RSBN1L: variants seen among roughly 807,000 people sequenced by gnomAD.
RSBN1L encodes the protein round spermatid basic protein 1 like, also known as lysine-specific demethylase RSBN1L.
In RSBN1L, 30 loss-of-function variants were observed where a neutral mutation model predicts 67.7. That is an observed-to-expected ratio of 0.44 (90% CI 0.33 to 0.60). The LOEUF is 0.60. Among genes scored for constraint, RSBN1L ranks in the 20% least tolerant of loss-of-function variants. RSBN1L has a pLI of 0.02. For synonymous variants in RSBN1L, 433 were observed against 387.0 expected (o/e 1.12, Z -1.39); for missense variants, 992 against 1,031.7 (o/e 0.96, Z 0.53).
intron 6 of RSBN1L, among the ~76,000 whole-genome samples, chr7:77,777,920 A>G (rs1028503002): frequency 1.3e-5 from 2 of 152,120 alleles, no homozygotes; most frequent in South Asian, 4.1e-4. Flanking sequence ...CAGTATAGTT[A>G]TATGTATCTT....
chr7:77,751,764 G>T (rs1480774524), intron 3 of RSBN1L, among the ~76,000 whole-genome samples: 2 of 152,202 alleles, frequency 1.3e-5, no homozygotes, highest in Non-Finnish European at 2.9e-5. Context: ...AACAGATCCA[G>T]TGAGAGAAGA....
intron 2 of RSBN1L, among the ~76,000 whole-genome samples, chr7:77,740,514 C>T (rs1375013289): frequency 6.6e-6 from 1 of 152,014 alleles, no homozygotes; most frequent in Non-Finnish European, 1.5e-5. Context: ...AAAGCAGATT[C>T]GAATCCCAGA....
chr7:77,724,432 C>CTT (rs557313211), intron 1 of RSBN1L, among the ~76,000 whole-genome samples: 79 of 136,412 alleles, frequency 5.8e-4, no homozygotes, highest in African/African-American at 1.8e-3. Flanking sequence ...TTTCTTTTTT[C>CTT]TTTTTTTTTT....
intron 1 of RSBN1L, among the ~76,000 whole-genome samples, chr7:77,721,847 G>A (rs901246002): frequency 6.6e-6 from 1 of 152,194 alleles, no homozygotes; most frequent in African/African-American, 2.4e-5. Context: ...AGAAGATAGT[G>A]ACATGGTAAA....
At chr7:77,723,957 T>A (rs117866812) in intron 1 of RSBN1L, among the ~76,000 whole-genome samples, 5 of 142,208 alleles carry the variant, frequency 3.5e-5, no homozygotes, top group Admixed American at 7.0e-5. Flanking sequence ...TTTTTTTTTT[T>A]AATAGGGACA....
chr7:77,768,596 T>C, intron 4 of RSBN1L, 65 bp from the exon 5 acceptor site: 2 of 1,403,554 alleles, frequency 1.4e-6, no homozygotes, highest in Admixed American at 3.6e-5. Flanking sequence ...ACAATATTAT[T>C]ATTAACATAC....
intron 1 of RSBN1L, among the ~76,000 whole-genome samples, chr7:77,711,289 C>G (rs1224310988): frequency 6.6e-6 from 1 of 150,628 alleles, no homozygotes; most frequent in Non-Finnish European, 1.5e-5. Flanking sequence ...AAACTTAGCA[C>G]TACATTGTAT....
At chr7:77,716,299 CTTTGTTTTT>C (rs1195510540) in intron 1 of RSBN1L, among the ~76,000 whole-genome samples, 4 of 151,822 alleles carry the variant, frequency 2.6e-5, no homozygotes, top group Non-Finnish European at 5.9e-5. Flanking sequence ...TTGTCTTTTT[CTTTGTTTTT>C]TTTGTTTTGT....
chr7:77,698,982 TAAG>T (rs762376996), intron 1 of RSBN1L, among the ~76,000 whole-genome samples: 1 of 152,234 alleles, frequency 6.6e-6, no homozygotes, highest in Non-Finnish European at 1.5e-5. Context: ...TTTAACGAAT[TAAG>T]AAGATTCTTA....
rs539423741 is a variant in RSBN1L, at chr7:77,739,899, G to A, written c.703+3373G>A. Among the ~76,000 whole-genome samples the A allele has an allele frequency of 1.6e-3, 236 of 149,892 alleles. 1 individual carries two copies. The highest frequency in any genetic ancestry group is 5.5e-3 in the African/African-American group (226 of 40,908). ...TGAGTAGCTGGGATTACAGCCGCAC[G>A]CCGCCATGCCTAGGGCTAATTTTTT... On this transcript the variant is annotated intron_variant, in intron 2 of 7. Coordinates refer to ENST00000334955, the MANE Select transcript of RSBN1L (RefSeq NM_198467.3).
intron 1 of RSBN1L, among the ~76,000 whole-genome samples, chr7:77,735,507 G>A: frequency 6.6e-6 from 1 of 152,082 alleles, no homozygotes; most frequent in East Asian, 1.9e-4. Flanking sequence ...ACATGATTAG[G>A]ACCTGGGTTA....
At chr7:77,768,494 C>A in intron 4 of RSBN1L, 167 bp from the exon 5 acceptor site, 1 of 618,028 alleles carries the variant, frequency 1.6e-6, no homozygotes, top group Non-Finnish European at 2.8e-6. Flanking sequence ...TTTTTTGAAG[C>A]AAAGTATATC....
At chr7:77,762,364 A>C (rs7801305) in intron 3 of RSBN1L, among the ~76,000 whole-genome samples, 63,783 of 151,916 alleles carry the variant, frequency 0.42, 13,790 homozygotes, top group African/African-American at 0.5. Flanking sequence ...AACTAGACAG[A>C]GAATGGGGGA....
intron 4 of RSBN1L, among the ~76,000 whole-genome samples, chr7:77,766,420 A>G (rs1043492762): frequency 1.3e-5 from 2 of 152,000 alleles, no homozygotes; most frequent in African/African-American, 2.4e-5. Context: ...CTTGGACTCA[A>G]GTGATCCTCC....
At chr7:77,742,988 C>T (rs1041005150) in intron 2 of RSBN1L, among the ~76,000 whole-genome samples, 2 of 152,104 alleles carry the variant, frequency 1.3e-5, no homozygotes, top group Non-Finnish European at 2.9e-5. Flanking sequence ...GAATAACAGT[C>T]TCAGGCATAT....
At chr7:77,733,373 T>A (rs1267744935) in intron 1 of RSBN1L, among the ~76,000 whole-genome samples, 1 of 152,230 alleles carries the variant, frequency 6.6e-6, no homozygotes, top group Non-Finnish European at 1.5e-5. Context: ...AATTACGTTG[T>A]CTATAACTCT....
At position 77,781,219 on chromosome 7, in the gene RSBN1L, G is replaced by A. The variant is rs1027433249; in HGVS notation, c.*2051G>A. ...TCTTCATGGTTTGTAGGAAATCAGT[G>A]TTTGCAACGTAGGAAGTTTCATGGG... is the stretch of plus-strand genomic sequence containing the variant. On this transcript the variant is annotated 3_prime_UTR_variant, in exon 8 of 8. Coordinates refer to ENST00000334955, the MANE Select transcript of RSBN1L (RefSeq NM_198467.3). 3 of 152,204 alleles carry A rather than the reference G, an allele frequency of 2.0e-5. No individual in the cohort carries two copies. Among genetic ancestry groups the A allele is most frequent in the African/African-American group, 7.2e-5 (3 of 41,454 alleles). The allele number at this position is 152,204 out of a possible 1,614,324, so 9.4% of individuals were successfully genotyped here. A position where few individuals can be genotyped will look rare whatever the true frequency, so the allele number is the denominator to read the frequency against.
chr7:77,755,359 A>G (rs1291284712), intron 3 of RSBN1L, among the ~76,000 whole-genome samples: 1 of 152,172 alleles, frequency 6.6e-6, no homozygotes, highest in Non-Finnish European at 1.5e-5. Flanking sequence ...TTAAGTTGAA[A>G]ATGCATTTAA....
chr7:77,768,561 G>T, intron 4 of RSBN1L, 100 bp from the exon 5 acceptor site: 1 of 979,194 alleles, frequency 1.0e-6, no homozygotes. Flanking sequence ...ATAAAGCTGT[G>T]TATGAAAGTG....
Sources: allele counts gnomAD v4.1 joint callset (sites outside exome capture counted in the v4.1 genomes callset), GRCh38; gene constraint gnomAD v4.1.1; transcripts MANE v1.5; gene names NCBI Gene and HGNC (gene_info 2026-07-23, HGNC 2026-07-21).